The following TTLL10 variants were observed in gnomAD, a reference collection of about 807,000 sequenced individuals.
TTLL10 encodes the protein inactive polyglycylase TTLL10.
In TTLL10, 61 loss-of-function variants were observed where a neutral mutation model predicts 69.0. The ratio of observed to expected loss-of-function variants is 0.88; its 90% CI spans 0.72 to 1.09. TTLL10 has a LOEUF of 1.09. Ranked by LOEUF, TTLL10 falls within the 50% of genes least tolerant of loss-of-function variation. The pLI is 0.00. For synonymous variants in TTLL10, 408 were observed against 393.3 expected, an observed-to-expected ratio of 1.04 and a Z score of -0.44; for missense variants, 962 against 945.9, an observed-to-expected ratio of 1.02 and a Z score of -0.22.
At chr1:1,182,726 G>C (rs1647110373) in intron 10 of TTLL10, 150 bp from the exon 11 acceptor site, 1 of 1,180,550 alleles carries the variant, frequency 8.5e-7, no homozygotes, top group Non-Finnish European at 1.2e-6. Flanking sequence ...ACGGGCAGGA[G>C]CTGGGGCCAG....
In TTLL10 at chr1:1,197,465, G is replaced by A; in HGVS notation, c.1640G>A (p.Ser547Asn). The A allele has an allele frequency of 6.5e-7, 1 of 1,543,984 alleles. No individual in the cohort carries two copies. Among genetic ancestry groups the A allele is most frequent in the Admixed American group, 2.0e-5 (1 of 50,508 alleles). ...LDLVLETFRKSLRGQKMLPLL... is the reference protein window; with the variant it reads ...LDLVLETFRKNLRGQKMLPLL... ...CTGGTGCTCGAGACCTTCCGGAAGAGCCTGCGCGGCCAGAAGATGTTGCCT... is the reference window on the plus strand; with the variant it reads ...CTGGTGCTCGAGACCTTCCGGAAGAACCTGCGCGGCCAGAAGATGTTGCCT... Residue 547 changes from serine (S) to asparagine (N), a missense_variant, in exon 16 of 16, where the codon AGC (serine) becomes AAC (asparagine). Coordinates refer to ENST00000379289, the MANE Select transcript of TTLL10 (RefSeq NM_001130045.2).
At chr1:1,178,683 G>A (rs1381423956) in intron 3 of TTLL10, among the ~76,000 whole-genome samples, 1 of 152,208 alleles carries the variant, frequency 6.6e-6, no homozygotes, top group African/African-American at 2.4e-5. Flanking sequence ...ACATGGGAAG[G>A]TGTTGCTGGA....
chr1:1,194,630 GCCAT>G (rs1432512058), intron 13 of TTLL10, among the ~76,000 whole-genome samples: 3 of 152,170 alleles, frequency 2.0e-5, no homozygotes, highest in African/African-American at 7.2e-5. Context: ...GGGAATTTGT[GCCAT>G]CCCACTGCCT....
At chr1:1,182,551 G>A (rs1018629353) in intron 10 of TTLL10, 105 bp downstream of exon 10, 9 of 1,215,012 alleles carry the variant, frequency 7.4e-6, no homozygotes, top group East Asian at 2.3e-5. Flanking sequence ...GAGGGGCTGC[G>A]TGGGGCTGGG....
At position 1,197,444 on chromosome 1, in the gene TTLL10, T is replaced by C. The variant is rs1057194134; in HGVS notation, c.1619T>C (p.Val540Ala). Residue 540 changes from valine to alanine, a missense_variant, in exon 16 of 16, where the codon GTG becomes GCG. Val to Ala is a moderately conservative substitution (Grantham distance 64). Transcript: ENST00000379289. ...TCTCCCCCACCCGCACCAGACCTGG[T>C]GCTCGAGACCTTCCGGAAGAGCCTG... is the stretch of plus-strand genomic sequence containing the variant. ...PGVVIETLDLVLETFRKSLRG... is the reference protein window; with the variant it reads ...PGVVIETLDLALETFRKSLRG... 6.4e-5 allele frequency: 90 copies of C among 1,397,756 alleles called. No homozygotes were observed. Among genetic ancestry groups the C allele is most frequent in the Middle Eastern group, 5.8e-4 (3 of 5,150 alleles). The allele number at this position is 1,397,756 out of a possible 1,614,324, so 86.6% of individuals were successfully genotyped here.
intron 13 of TTLL10, among the ~76,000 whole-genome samples, chr1:1,195,271 G>A (rs1186571582): frequency 1.3e-5 from 2 of 152,168 alleles, no homozygotes; most frequent in Non-Finnish European, 2.9e-5. Context: ...GATTACAGGT[G>A]TGAAGCCACT....
Position 1,185,375 on chromosome 1 carries a change from CAG to C in TTLL10, c.1401+267_1401+268del. On this transcript the variant is annotated intron_variant, in intron 13 of 15. Transcript: ENST00000379289. This position sits in a 1 kb window ranked among gnomAD's most constrained non-coding sequence, Gnocchi z 6.1. The stretch of plus-strand genomic sequence containing the variant: ...CCCGCGGGCAGCCTCGCCGTAGGGT[CAG>C]GGGACAGCTCGGCTTCAGTGACAGC... 7.6e-7 allele frequency: 1 copy of C among 1,323,460 alleles called. No homozygotes were observed. Among genetic ancestry groups the C allele is most frequent in the Non-Finnish European group, 9.6e-7 (1 of 1,038,464 alleles). 82.0% of individuals were successfully genotyped at this position (1,323,460 alleles called of 1,614,324 possible). A position where few individuals can be genotyped will look rare whatever the true frequency, so the allele number is the denominator to read the frequency against.
In TTLL10 at chr1:1,184,995, C is replaced by T. The variant is rs774036872; in HGVS notation, c.1287C>T (p.Tyr429=). The part of the protein sequence containing the change: ...NQFMQKKSPL[Y]MLLKEHTVWS... ...TCATGCAGAAGAAGAGCCCTCTGTA[C>T]ATGCTGCTGAAGGAGCACACGGTGT... The change falls in exon 13 of 16, where the codon TAC becomes TAT. Residue 429 remains tyrosine, a synonymous_variant. Transcript: ENST00000379289. 4.3e-6 allele frequency: 7 copies of T among 1,613,646 alleles called. No individual in the cohort carries two copies. Among genetic ancestry groups the T allele is most frequent in the Non-Finnish European group, 5.9e-6 (7 of 1,179,860 alleles).
At position 1,197,933 on chromosome 1, in the gene TTLL10, CA is replaced by C. The variant is rs200508322; in HGVS notation, c.*89del. On this transcript the variant is annotated 3_prime_UTR_variant, in exon 16 of 16. Coordinates refer to ENST00000379289, the MANE Select transcript of TTLL10 (RefSeq NM_001130045.2). Reference sequence around the variant, plus strand: ...GGGACCTATAAAGCCCACTTTGCTACAAACACAGTCTCTGCAGCAGAGTCCT... The same window carrying C: ...GGGACCTATAAAGCCCACTTTGCTACAACACAGTCTCTGCAGCAGAGTCCT... 7.7e-7 allele frequency: 1 copy of C among 1,305,670 alleles called. No individual in the cohort carries two copies. Among genetic ancestry groups the C allele is most frequent in the Admixed American group, 3.6e-5 (1 of 27,888 alleles). 80.9% of individuals were successfully genotyped at this position (1,305,670 alleles called of 1,614,324 possible).
At position 1,197,428 on chromosome 1, in the gene TTLL10, C is replaced by T. The variant is rs947283121; in HGVS notation, c.1613-10C>T. On this transcript the variant is annotated splice_polypyrimidine_tract_variant and intron_variant, in intron 15 of 15. Transcript: ENST00000379289. ...CCCCCCACTCACCCTCTCTCCCCCACCCGCACCAGACCTGGTGCTCGAGAC... is the reference window on the plus strand; with the variant it reads ...CCCCCCACTCACCCTCTCTCCCCCATCCGCACCAGACCTGGTGCTCGAGAC... 3.3e-6 allele frequency: 5 copies of T among 1,523,288 alleles called. No homozygotes were observed. Among genetic ancestry groups the T allele is most frequent in the South Asian group, 2.5e-5 (2 of 80,282 alleles). The allele number at this position is 1,523,288 out of a possible 1,614,324, so 94.4% of individuals were successfully genotyped here.
chr1:1,189,866 A>G (rs1647611519), intron 13 of TTLL10, among the ~76,000 whole-genome samples: 1 of 152,088 alleles, frequency 6.6e-6, no homozygotes, highest in South Asian at 2.1e-4. Context: ...TAATCCCAGC[A>G]CTTTGGGAGG....
intron 3 of TTLL10, chr1:1,176,458 G>A (rs1646875976): frequency 4.4e-6 from 2 of 452,568 alleles, no homozygotes; most frequent in Admixed American, 4.7e-5. Flanking sequence ...TTCCCTGACA[G>A]CTCACTCCTG....
At chr1:1,191,008 T>A (rs1193243742) in intron 13 of TTLL10, among the ~76,000 whole-genome samples, 1 of 151,948 alleles carries the variant, frequency 6.6e-6, no homozygotes, top group Non-Finnish European at 1.5e-5. Context: ...TTTGTATTAT[T>A]AGTAGAGATG....
intron 13 of TTLL10, among the ~76,000 whole-genome samples, chr1:1,196,194 G>A (rs1648197348): frequency 6.6e-6 from 1 of 152,184 alleles, no homozygotes; most frequent in African/African-American, 2.4e-5. Context: ...CCAGTTCTGG[G>A]GATGCATGCT....
Position 1,185,755 on chromosome 1 carries a change from C to T in TTLL10, c.1401+646C>T. On this transcript the variant is annotated intron_variant, in intron 13 of 15. Transcript: ENST00000379289. This position sits in a 1 kb window ranked among gnomAD's most constrained non-coding sequence, Gnocchi z 6.1. ...CTTCCTCACCCACAGGCGTGTGTCA[C>T]TGTGGCTGGGACGGCAGCGCTCAGA... 2.0e-6 allele frequency: 2 copies of T among 985,530 alleles called. No individual in the cohort carries two copies. Among genetic ancestry groups the T allele is most frequent in the South Asian group, 9.4e-5 (2 of 21,292 alleles). The allele number at this position is 985,530 out of a possible 1,614,324, so 61.0% of individuals were successfully genotyped here. A position where few individuals can be genotyped will look rare whatever the true frequency, so the allele number is the denominator to read the frequency against.
At position 1,192,556 on chromosome 1, in the gene TTLL10, TGA is replaced by T. The variant is rs1476183387; in HGVS notation, c.1402-4042_1402-4041del. On this transcript the variant is annotated intron_variant, in intron 13 of 15. Transcript: ENST00000379289. ...ATGAGTGTAGACACTCCAGTTGGTA[TGA>T]GTGTAGACAATCCAGTTGATATCAG... 2.0e-5 allele frequency among the ~76,000 whole-genome samples: 3 copies of T among 151,920 alleles called. No individual in the cohort carries two copies. The East Asian group carries it at 5.8e-4, about 29-fold the overall frequency.
At chr1:1,179,924 G>C in intron 5 of TTLL10, 110 bp from the exon 6 acceptor site, 1 of 1,439,294 alleles carries the variant, frequency 6.9e-7, no homozygotes, top group Non-Finnish European at 9.1e-7. Flanking sequence ...GGGCCAGGGG[G>C]ATTGTCCAGG....
chr1:1,186,331 C>T (rs370872616), intron 13 of TTLL10, among the ~76,000 whole-genome samples: 1 of 152,186 alleles, frequency 6.6e-6, no homozygotes, highest in Non-Finnish European at 1.5e-5. Flanking sequence ...TCAGGTGACC[C>T]GCCCGCCTCA....
intron 6 of TTLL10, 23 bp from the exon 7 acceptor site, chr1:1,180,460 A>ACCCCCCCCCCCCC (rs57269982): frequency 1.5e-5 from 17 of 1,107,204 alleles, no homozygotes; most frequent in Admixed American, 2.2e-5. Context: ...CCCCCAGGTC[A>ACCCCCCCCCCCCC]CCCCCGCCCC....
Sources: allele counts gnomAD v4.1 joint callset (sites outside exome capture counted in the v4.1 genomes callset), GRCh38; gene constraint gnomAD v4.1.1; non-coding constraint Gnocchi (gnomAD v3.1); transcripts MANE v1.5; gene names NCBI Gene and HGNC (gene_info 2026-07-23, HGNC 2026-07-21).